Variants in KDM4B observed in about 807,000 individuals in gnomAD.
The protein encoded by KDM4B is lysine-specific demethylase 4B.
A neutral mutation model predicts 125.2 loss-of-function variants in KDM4B; 32 were observed. The observed-to-expected ratio is 0.26, with a 90% CI of 0.19 to 0.34. The LOEUF is 0.34. Ranked by LOEUF, KDM4B falls within the 10% of genes least tolerant of loss-of-function variation. The pLI is 1.00. For missense variants in KDM4B, 1,190 were observed against 1,577.7 expected, an observed-to-expected ratio of 0.75 and a Z score of 4.16; for synonymous variants, 721 against 677.9, an observed-to-expected ratio of 1.06 and a Z score of -0.99.
intron 1 of KDM4B, among the ~76,000 whole-genome samples, chr19:4,975,835 C>G (rs913659080): frequency 1.3e-5 from 2 of 151,416 alleles, no homozygotes; most frequent in South Asian, 4.2e-4. Flanking sequence ...TCAGGGCATC[C>G]GCCTGTCTTG....
chr19:5,079,635 C>G (rs554324818), intron 8 of KDM4B, among the ~76,000 whole-genome samples: 2 of 152,318 alleles, frequency 1.3e-5, no homozygotes, highest in South Asian at 4.1e-4. Flanking sequence ...GACAGGGAGC[C>G]GTCACTTGGC....
At chr19:5,131,828 G>T in intron 12 of KDM4B, 59 bp from the exon 13 acceptor site, 1 of 1,608,834 alleles carries the variant, frequency 6.2e-7, no homozygotes, top group South Asian at 1.1e-5. Flanking sequence ...GTGGCTCCGA[G>T]GGAGCCCCAC....
At chr19:5,023,837 C>T (rs1015152107) in intron 2 of KDM4B, among the ~76,000 whole-genome samples, 5 of 136,922 alleles carry the variant, frequency 3.7e-5, no homozygotes, top group Non-Finnish European at 7.6e-5. Context: ...AGTCTGGGCT[C>T]ACTGCAGCCT....
chr19:5,093,763 A>C (rs1403786651), intron 9 of KDM4B, among the ~76,000 whole-genome samples: 4 of 152,160 alleles, frequency 2.6e-5, no homozygotes, highest in Non-Finnish European at 5.9e-5. Context: ...GGCAGTGGTC[A>C]CCGCGCAGGT....
At chr19:5,061,539 C>G (rs2037597458) in intron 6 of KDM4B, among the ~76,000 whole-genome samples, 1 of 152,086 alleles carries the variant, frequency 6.6e-6, no homozygotes, top group African/African-American at 2.4e-5. Flanking sequence ...GTGGCCTTTC[C>G]CCAGGATGAG....
intron 10 of KDM4B, among the ~76,000 whole-genome samples, chr19:5,118,799 T>G (rs1233193046): frequency 6.6e-6 from 1 of 152,222 alleles, no homozygotes; most frequent in Non-Finnish European, 1.5e-5. Flanking sequence ...TACTTGGGGC[T>G]GGTGTGCAGG....
intron 1 of KDM4B, among the ~76,000 whole-genome samples, chr19:4,980,757 A>T (rs773454109): frequency 1.3e-5 from 2 of 151,594 alleles, no homozygotes; most frequent in Non-Finnish European, 2.9e-5. Flanking sequence ...GCTGCATCCT[A>T]TTCCCCTGTG....
intron 1 of KDM4B, among the ~76,000 whole-genome samples, chr19:4,990,367 G>A (rs537717509): frequency 1.2e-4 from 18 of 152,228 alleles, no homozygotes; most frequent in Non-Finnish European, 2.5e-4. Context: ...TAGAAAGGGA[G>A]ACACTTGTGT....
intron 9 of KDM4B, among the ~76,000 whole-genome samples, chr19:5,083,336 T>G (rs1303684430): frequency 1.3e-5 from 2 of 151,966 alleles, no homozygotes; most frequent in Non-Finnish European, 2.9e-5. Context: ...GGCCACCCCC[T>G]CCCCCATGGT....
chr19:5,102,175 C>T (rs1308010243), intron 9 of KDM4B, among the ~76,000 whole-genome samples: 1 of 152,208 alleles, frequency 6.6e-6, no homozygotes, highest in Non-Finnish European at 1.5e-5. Context: ...TCCGTCTGCT[C>T]GCCACGTCCC....
At chr19:5,020,608 C>T (rs1013569649) in intron 2 of KDM4B, among the ~76,000 whole-genome samples, 57 of 152,268 alleles carry the variant, frequency 3.7e-4, no homozygotes, top group African/African-American at 6.7e-4. Flanking sequence ...GAAGCCAGGC[C>T]GCGGGCGCTG....
At chr19:5,104,110 G>A (rs1276556090) in intron 9 of KDM4B, among the ~76,000 whole-genome samples, 1 of 152,160 alleles carries the variant, frequency 6.6e-6, no homozygotes, top group East Asian at 1.9e-4. Flanking sequence ...GAGGCTGGCC[G>A]AATCCCTGGC....
At chr19:4,983,029 TAC>T (rs1225409079) in intron 1 of KDM4B, among the ~76,000 whole-genome samples, 3 of 152,138 alleles carry the variant, frequency 2.0e-5, no homozygotes, top group Non-Finnish European at 4.4e-5. Flanking sequence ...AATTAATTAT[TAC>T]AGTGTATTGT....
chr19:4,982,476 C>G (rs763085659), intron 1 of KDM4B, among the ~76,000 whole-genome samples: 9 of 149,226 alleles, frequency 6.0e-5, no homozygotes, highest in Non-Finnish European at 1.2e-4. Context: ...AAAAAAGCCT[C>G]TAGAAGAAAA....
intron 9 of KDM4B, among the ~76,000 whole-genome samples, chr19:5,091,095 G>A (rs552095971): frequency 6.1e-4 from 93 of 152,334 alleles, no homozygotes; most frequent in Non-Finnish European, 9.9e-4. Flanking sequence ...CCTTTCTCAC[G>A]CTGAACTCAA....
At chr19:5,055,528 G>T (rs2037367922) in intron 6 of KDM4B, among the ~76,000 whole-genome samples, 1 of 152,238 alleles carries the variant, frequency 6.6e-6, no homozygotes, top group Non-Finnish European at 1.5e-5. Flanking sequence ...TTGGGAAACT[G>T]GCTTCTTGGT....
At chr19:5,057,941 TGTCCAAG>T (rs1301308226) in intron 6 of KDM4B, among the ~76,000 whole-genome samples, 1 of 152,120 alleles carries the variant, frequency 6.6e-6, no homozygotes, top group East Asian at 1.9e-4. Context: ...GCATGTGTGG[TGTCCAAG>T]GTCGCCCTGG....
At chr19:5,034,291 C>T (rs2036548137) in intron 3 of KDM4B, among the ~76,000 whole-genome samples, 1 of 152,192 alleles carries the variant, frequency 6.6e-6, no homozygotes, top group South Asian at 2.1e-4. Flanking sequence ...TGGGTTCTTC[C>T]AGTTGCCTGC....
At chr19:5,137,569 G>T in intron 16 of KDM4B, 52 bp from the exon 17 acceptor site, 1 of 1,543,600 alleles carries the variant, frequency 6.5e-7, no homozygotes, top group Non-Finnish European at 8.8e-7. Context: ...CAAGCAGTGT[G>T]TGGGGAGCCT....
Sources: allele counts gnomAD v4.1 joint callset (sites outside exome capture counted in the v4.1 genomes callset), GRCh38; gene constraint gnomAD v4.1.1; transcripts MANE v1.5; gene names NCBI Gene and HGNC (gene_info 2026-07-23, HGNC 2026-07-21).